The following NR2F2 variants were observed in gnomAD, a reference collection of about 807,000 sequenced individuals.
The protein encoded by NR2F2 is nuclear receptor subfamily 2 group F member 2.
In NR2F2, 2 loss-of-function variants were observed where a neutral mutation model predicts 34.8. The observed-to-expected ratio is 0.06, with a 90% confidence interval of 0.02 to 0.18. The LOEUF (loss-of-function observed/expected upper bound fraction) is 0.18. Among genes scored for constraint, NR2F2 ranks in the 10% least tolerant of loss-of-function variants. The pLI is 1.00. For missense variants in NR2F2, 300 were observed against 580.1 expected, an observed-to-expected ratio of 0.52 and a Z score of 4.96; for synonymous variants, 274 against 251.8, an observed-to-expected ratio of 1.09 and a Z score of -0.84.
Position 96,335,292 on chromosome 15 carries a change from C to CA in NR2F2, c.970+692dup, listed in dbSNP as rs575931102. On this transcript the variant is annotated intron_variant, in intron 2 of 2. Coordinates refer to ENST00000394166, the MANE Select transcript of NR2F2 (RefSeq NM_021005.4). Reference sequence around the variant, plus strand: ...CACTTAAGGCAATTTTCAAACAACCCAAAGTGTATGCCAACTTGGGCTGGA... The same window carrying CA: ...CACTTAAGGCAATTTTCAAACAACCCAAAAGTGTATGCCAACTTGGGCTGGA... 3.5e-4 allele frequency among the ~76,000 whole-genome samples: 54 copies of CA among 152,352 alleles called. 4 individuals carry two copies. The East Asian group carries it at 0.01, about 29-fold the overall frequency.
chr15:96,340,115 T>C lies in NR2F2; in HGVS notation c.*2493T>C, dbSNP rs1899461045. ...TTGATTTTCTTCCTCTTGCAAGTGCTATCCATGTGAGTGTGTGAAGTTTCT... is the reference window on the plus strand; with the variant it reads ...TTGATTTTCTTCCTCTTGCAAGTGCCATCCATGTGAGTGTGTGAAGTTTCT... On this transcript the variant is annotated 3_prime_UTR_variant, in exon 3 of 3. Transcript: ENST00000394166. The C allele has an allele frequency of 2.6e-5, 4 of 152,254 alleles. No homozygotes were observed. Among genetic ancestry groups the C allele is most frequent in the South Asian group, 4.1e-4 (2 of 4,836 alleles). The allele number at this position is 152,254 out of a possible 1,614,324, so 9.4% of individuals were successfully genotyped here. A position where few individuals can be genotyped will look rare whatever the true frequency, so the allele number is the denominator to read the frequency against.
chr15:96,333,280 T>C, intron 1 of NR2F2: 1 of 945,984 alleles, frequency 1.1e-6, no homozygotes, highest in Non-Finnish European at 1.3e-6. Context: ...GGGCGCGGGC[T>C]CCGGGTTGGG....
At chr15:96,332,626 G>A (rs1050199711) in intron 1 of NR2F2, 79 bp downstream of exon 1, 49 of 1,546,232 alleles carry the variant, frequency 3.2e-5, no homozygotes, top group Admixed American at 3.8e-5. Context: ...CTCTGGGTAA[G>A]GACAAGAAGC....
At position 96,331,757 on chromosome 15, in the gene NR2F2, C is replaced by T. The variant is rs1899150442; in HGVS notation, c.-349C>T. ...ATCGACTTCAGCTCTCCCTCCCCTC[C>T]CTCTTTCTCCACGTTCTGCTCCCAC... On this transcript the variant is annotated 5_prime_UTR_variant, in exon 1 of 3. Transcript: ENST00000394166. 4 of 1,123,398 alleles carry T rather than the reference C, an allele frequency of 3.6e-6. No individual in the cohort carries two copies. Among genetic ancestry groups the T allele is most frequent in the South Asian group, 4.6e-5 (1 of 21,630 alleles). The allele number at this position is 1,123,398 out of a possible 1,614,324, so 69.6% of individuals were successfully genotyped here.
rs971956567 is a variant in NR2F2, at chr15:96,332,039, A to AGCC, written c.-57_-55dup. ...GCGCGCCGGAGCCCGAGACCCGGGG[A>AGCC]GCCGCCGCCGCCCCGCCGCCGCCCG... On this transcript the variant is annotated 5_prime_UTR_variant, in exon 1 of 3. Coordinates refer to ENST00000394166, the MANE Select transcript of NR2F2 (RefSeq NM_021005.4). 4.0e-6 allele frequency: 5 copies of AGCC among 1,235,540 alleles called. No individual in the cohort carries two copies. Among genetic ancestry groups the AGCC allele is most frequent in the Non-Finnish European group, 3.0e-6 (3 of 987,840 alleles). 76.5% of individuals were successfully genotyped at this position (1,235,540 alleles called of 1,614,324 possible). A position where few individuals can be genotyped will look rare whatever the true frequency, so the allele number is the denominator to read the frequency against.
chr15:96,327,927 A>G (rs1365402088), upstream of NR2F2, among the ~76,000 whole-genome samples: 1 of 152,214 alleles, frequency 6.6e-6, no homozygotes, highest in Non-Finnish European at 1.5e-5. Flanking sequence ...ATAAATTTAC[A>G]TCTGCAAAAA....
At chr15:96,327,284 G>A (rs1899020592), upstream of NR2F2, 1 of 152,088 alleles carries the variant, frequency 6.6e-6, no homozygotes, top group Non-Finnish European at 1.5e-5. Flanking sequence ...TTTAAATCCT[G>A]AAGAATTATT....
chr15:96,333,630 C>G, intron 1 of NR2F2: 1 of 1,044,360 alleles, frequency 9.6e-7, no homozygotes, highest in East Asian at 7.6e-5. Flanking sequence ...GGAGTGGCCA[C>G]AGGCCGTCTG....
intron 2 of NR2F2, among the ~76,000 whole-genome samples, chr15:96,337,141 T>A (rs1391747276): frequency 1.3e-5 from 2 of 152,090 alleles, no homozygotes; most frequent in Non-Finnish European, 2.9e-5. Flanking sequence ...CATCTCTTGC[T>A]CTTTCTTCCC....
intron 1 of NR2F2, among the ~76,000 whole-genome samples, chr15:96,332,941 CAAA>C (rs752483227): frequency 1.4e-3 from 79 of 58,042 alleles, no homozygotes; most frequent in African/African-American, 4.8e-3. Flanking sequence ...CCCACCCTCT[CAAA>C]AAAAAAAAAA....
At chr15:96,337,282 T>C in intron 2 of NR2F2, 66 bp from the exon 3 acceptor site, 2 of 751,916 alleles carry the variant, frequency 2.7e-6, no homozygotes. Flanking sequence ...GATGACTGAA[T>C]TCTTCTTCTT....
chr15:96,331,949 C>A lies in NR2F2; in HGVS notation c.-157C>A. ...GGAAAAACTAACCAACCTCAACCAA[C>A]CAGCCCCCGAGCCACCCGGGGCGCC... On this transcript the variant is annotated 5_prime_UTR_variant, in exon 1 of 3. Transcript: ENST00000394166. 8.3e-7 allele frequency: 1 copy of A among 1,209,744 alleles called. No homozygotes were observed. The highest frequency in any genetic ancestry group is 1.0e-6 in the Non-Finnish European group (1 of 973,928). 74.9% of individuals were successfully genotyped at this position (1,209,744 alleles called of 1,614,324 possible).
At chr15:96,333,755 A>G in intron 1 of NR2F2, 1 of 1,337,378 alleles carries the variant, frequency 7.5e-7, no homozygotes, top group Non-Finnish European at 9.6e-7. Flanking sequence ...TAAAGAAGAA[A>G]GATGCCCTCA....
At chr15:96,327,357 T>C (rs1181503808), upstream of NR2F2, 1 of 152,220 alleles carries the variant, frequency 6.6e-6, no homozygotes, top group Non-Finnish European at 1.5e-5. Context: ...TCGTTTCCCT[T>C]TAAGAGCTCC....
intron 1 of NR2F2, chr15:96,333,846 C>A: frequency 7.0e-7 from 1 of 1,418,748 alleles, no homozygotes; most frequent in South Asian, 1.6e-5. Flanking sequence ...CAGCCCCGAG[C>A]GGGCCTCGGA....
At chr15:96,335,481 T>A (rs1899297523) in intron 2 of NR2F2, among the ~76,000 whole-genome samples, 2 of 152,246 alleles carry the variant, frequency 1.3e-5, no homozygotes, top group South Asian at 4.1e-4. Flanking sequence ...ACACCTGAGC[T>A]TTTTGGCTGC....
Position 96,334,218 on chromosome 15 carries a change from C to T in NR2F2, c.585C>T (p.Arg195=). The part of the protein sequence containing the change: ...LLRAEPYPTS[R]FGSQCMQPNN... ...GCGCGGAGCCCTATCCCACGTCGCG[C>T]TTCGGCAGCCAATGCATGCAGCCCA... The change falls in exon 2 of 3, where the codon CGC becomes CGT. Residue 195 remains arginine (R), a synonymous_variant. Coordinates refer to ENST00000394166, the MANE Select transcript of NR2F2 (RefSeq NM_021005.4). 1 of 1,614,240 alleles carries T rather than the reference C, an allele frequency of 6.2e-7. No individual in the cohort carries two copies. Among genetic ancestry groups the T allele is most frequent in the Non-Finnish European group, 8.5e-7 (1 of 1,180,050 alleles).
chr15:96,333,770 G>A (rs1175150015), intron 1 of NR2F2: 13 of 1,374,984 alleles, frequency 9.5e-6, no homozygotes, highest in Non-Finnish European at 1.1e-5. Flanking sequence ...CCCTCAGAAT[G>A]CTACATCCCG....
chr15:96,327,694 GACGGA>G (rs1188317589), upstream of NR2F2, among the ~76,000 whole-genome samples: 4 of 152,346 alleles, frequency 2.6e-5, no homozygotes, highest in East Asian at 7.7e-4. Context: ...AATCCTGGAG[GACGGA>G]ACTGGTTTCT....
Sources: gnomAD v4.1 joint callset for allele counts (sites outside exome capture counted in the v4.1 genomes callset) on GRCh38, gnomAD v4.1.1 for gene constraint, MANE v1.5 for transcripts, NCBI Gene and HGNC (gene_info 2026-07-23, HGNC 2026-07-21) for gene names.